The following LEO1 variants were observed in gnomAD, a reference collection of about 807,000 sequenced individuals.
LEO1 encodes the protein LEO1 component of Paf1/RNA polymerase II complex, also known as RNA polymerase-associated protein LEO1.
LEO1 carries 34 observed loss-of-function variants against 80.4 expected under a neutral mutation model. The observed-to-expected ratio is 0.42, with a 90% CI of 0.32 to 0.56. The LOEUF (loss-of-function observed/expected upper bound fraction) is 0.56. Ranked by LOEUF, LEO1 falls within the 20% of genes least tolerant of loss-of-function variation. The pLI, the probability that LEO1 is intolerant of heterozygous loss-of-function variation, is 0.10. For synonymous variants in LEO1, 262 were observed against 274.9 expected, an observed-to-expected ratio of 0.95 and a Z score of 0.46; for missense variants, 631 against 814.2, an observed-to-expected ratio of 0.77 and a Z score of 2.74.
Position 51,958,672 on chromosome 15 carries a change from C to G in LEO1, c.1245+70G>C. On this transcript the variant is annotated intron_variant, in intron 6 of 11. Coordinates refer to ENST00000299601, the MANE Select transcript of LEO1 (RefSeq NM_138792.4). ...GGTAAAAAAATCACTTTCAAAAGCT[C>G]AAGTTTCAAGTTAGTATCTCCAGGT... 6 of 922,514 alleles carry G rather than the reference C, an allele frequency of 6.5e-6. No homozygotes were observed. The South Asian group carries it at 8.6e-5, about 13-fold the overall frequency. 57.1% of individuals were successfully genotyped at this position (922,514 alleles called of 1,614,324 possible). A position where few individuals can be genotyped will look rare whatever the true frequency, so the allele number is the denominator to read the frequency against.
At chr15:51,947,086 C>G in intron 11 of LEO1, 1 of 547,370 alleles carries the variant, frequency 1.8e-6, no homozygotes. Context: ...GTCTTATCCT[C>G]CATGCAGCCT....
chr15:51,967,386 T>A (rs779317099), intron 1 of LEO1, among the ~76,000 whole-genome samples: 1 of 152,114 alleles, frequency 6.6e-6, no homozygotes, highest in African/African-American at 2.4e-5. Flanking sequence ...AACAGGAAAA[T>A]CGCTTGGATC....
intron 11 of LEO1, among the ~76,000 whole-genome samples, chr15:51,946,704 C>A (rs998186617): frequency 6.6e-6 from 1 of 151,986 alleles, no homozygotes; most frequent in Admixed American, 6.6e-5. Context: ...CTACATCCAG[C>A]TAATTTTTGT....
chr15:51,954,626 G>C, intron 6 of LEO1, 51 bp from the exon 7 acceptor site: 1 of 1,231,752 alleles, frequency 8.1e-7, no homozygotes, highest in Non-Finnish European at 1.2e-6. Context: ...ATGACTCTAT[G>C]CATCTTGTTT....
intron 6 of LEO1, among the ~76,000 whole-genome samples, chr15:51,958,293 A>AG (rs2057004814): frequency 8.5e-6 from 1 of 117,946 alleles, no homozygotes; most frequent in African/African-American, 3.2e-5. Context: ...TCATATCTAC[A>AG]GAAAAAAAAA....
chr15:51,941,448 C>T (rs1287150662), intron 11 of LEO1, among the ~76,000 whole-genome samples: 1 of 152,180 alleles, frequency 6.6e-6, no homozygotes, highest in Non-Finnish European at 1.5e-5. Flanking sequence ...GAAAGAGACA[C>T]AGAGGGGAGG....
chr15:51,946,354 C>T (rs559304436), intron 11 of LEO1, among the ~76,000 whole-genome samples: 18 of 152,102 alleles, frequency 1.2e-4, no homozygotes, highest in African/African-American at 3.9e-4. Context: ...TGCGCCACCA[C>T]GCCCTGCTAA....
chr15:51,942,493 TCA>T (rs1437999884), intron 11 of LEO1, among the ~76,000 whole-genome samples: 2 of 152,140 alleles, frequency 1.3e-5, no homozygotes, highest in Admixed American at 6.5e-5. Context: ...CAATTTTCAT[TCA>T]CAGTTTCTAC....
chr15:51,958,084 G>A (rs1595940666), intron 6 of LEO1, among the ~76,000 whole-genome samples: 1 of 152,138 alleles, frequency 6.6e-6, no homozygotes, highest in Non-Finnish European at 1.5e-5. Flanking sequence ...TCGGATTTAA[G>A]AATTGAAAAT....
intron 11 of LEO1, among the ~76,000 whole-genome samples, chr15:51,945,011 C>G (rs77990445): frequency 6.6e-6 from 1 of 152,246 alleles, no homozygotes; most frequent in Non-Finnish European, 1.5e-5. Context: ...CATTATTTCA[C>G]AGGCACAATC....
chr15:51,954,038 A>G (rs2056969175), intron 7 of LEO1, among the ~76,000 whole-genome samples: 1 of 151,182 alleles, frequency 6.6e-6, no homozygotes, highest in Admixed American at 6.6e-5. Flanking sequence ...GGTTCAAGGA[A>G]TTCTCTGCCT....
In LEO1 at chr15:51,969,219, A is replaced by G. The variant is rs181451859; in HGVS notation, c.58+2469T>C. 2.5e-3 allele frequency among the ~76,000 whole-genome samples: 380 copies of G among 152,120 alleles called. 3 individuals carry two copies. The highest frequency in any genetic ancestry group is 3.8e-3 in the Admixed American group (58 of 15,270). ...GGTGATCCACCCACCTCAGCCCCCT[A>G]AAGTGCTGGGATTACAGGCGTGAGC... On this transcript the variant is annotated intron_variant, in intron 1 of 11. Transcript: ENST00000299601.
chr15:51,950,080 A>G, intron 9 of LEO1, 86 bp from the exon 10 acceptor site: 1 of 1,125,488 alleles, frequency 8.9e-7, no homozygotes, highest in South Asian at 1.6e-5. Flanking sequence ...AATAGCATGT[A>G]ATGTCTGGTC....
intron 9 of LEO1, among the ~76,000 whole-genome samples, chr15:51,951,256 A>G (rs1255751797): frequency 1.3e-5 from 2 of 152,232 alleles, no homozygotes; most frequent in African/African-American, 4.8e-5. Flanking sequence ...ACTACTGCAT[A>G]TGGCTTCTCA....
intron 8 of LEO1, 102 bp from the exon 9 acceptor site, chr15:51,952,081 G>A (rs780461385): frequency 2.0e-6 from 2 of 1,022,164 alleles, no homozygotes; most frequent in Non-Finnish European, 2.8e-6. Flanking sequence ...CCATTTCCTA[G>A]TCACCTGAAA....
At chr15:51,954,363 C>A (rs2056971957) in intron 7 of LEO1, 118 bp downstream of exon 7, 6 of 661,330 alleles carry the variant, frequency 9.1e-6, no homozygotes, top group Non-Finnish European at 1.3e-5. Flanking sequence ...ACATGGGCAA[C>A]AGAGTGAGAC....
At chr15:51,958,529 G>A (rs564910276) in intron 6 of LEO1, among the ~76,000 whole-genome samples, 11 of 152,216 alleles carry the variant, frequency 7.2e-5, no homozygotes, top group African/African-American at 1.7e-4. Context: ...CTTTGATAGC[G>A]TGACCAGATG....
At position 51,965,735 on chromosome 15, in the gene LEO1, C is replaced by T. The variant is rs751471197; in HGVS notation, c.814+14G>A. On this transcript the variant is annotated intron_variant, in intron 2 of 11. Transcript: ENST00000299601. ...CTTCTTTCTGAGCCATTCTGGTTCT[C>T]ATAAATGTATTACCTGATTTATGAT... 6.3e-7 allele frequency: 1 copy of T among 1,589,988 alleles called. No homozygotes were observed. Among genetic ancestry groups the T allele is most frequent in the South Asian group, 1.2e-5 (1 of 86,488 alleles).
intron 2 of LEO1, among the ~76,000 whole-genome samples, chr15:51,964,076 G>T (rs1237455581): frequency 6.6e-6 from 1 of 151,414 alleles, no homozygotes; most frequent in Non-Finnish European, 1.5e-5. Flanking sequence ...CGTGGTGGCG[G>T]GTGCCTGTAG....
Sources: gnomAD v4.1 joint callset for allele counts (sites outside exome capture counted in the v4.1 genomes callset) on GRCh38, gnomAD v4.1.1 for gene constraint, MANE v1.5 for transcripts, NCBI Gene and HGNC (gene_info 2026-07-23, HGNC 2026-07-21) for gene names.